TRPS1: variants seen among roughly 807,000 people sequenced by gnomAD.
TRPS1 encodes the protein zinc finger transcription factor Trps1.
Under a neutral mutation model 101.2 loss-of-function variants are expected in TRPS1, and 6 were observed. The ratio of observed to expected loss-of-function variants is 0.06; its 90% CI spans 0.03 to 0.12. The LOEUF (loss-of-function observed/expected upper bound fraction) is 0.12. Among genes scored for constraint, TRPS1 ranks in the 10% least tolerant of loss-of-function variants. The pLI is 1.00. For synonymous variants in TRPS1, 578 were observed against 589.8 expected (o/e 0.98, Z 0.29); for missense variants, 1,363 against 1,567.0 (o/e 0.87, Z 2.20).
At chr8:115,434,242 A>C (rs771366915) in intron 5 of TRPS1, among the ~76,000 whole-genome samples, 1 of 152,216 alleles carries the variant, frequency 6.6e-6, no homozygotes, top group Non-Finnish European at 1.5e-5. Context: ...CTGAGATATA[A>C]TAACAATTAT....
chr8:115,667,863 G>A (rs1016512579), intron 1 of TRPS1: 136 of 1,535,268 alleles, frequency 8.9e-5, no homozygotes, highest in Non-Finnish European at 1.2e-4. Context: ...TCCCGAGTTC[G>A]CCCAACTTAC....
intron 4 of TRPS1, among the ~76,000 whole-genome samples, chr8:115,592,355 T>C (rs188293506): frequency 1.4e-3 from 220 of 152,244 alleles, no homozygotes; most frequent in Non-Finnish European, 2.7e-3. Context: ...TCACAAGACA[T>C]CTCCTAACTC....
In TRPS1 at chr8:115,501,569, C is replaced by A. The variant is rs116975366; in HGVS notation, c.2701-83117G>T. Among the ~76,000 whole-genome samples the A allele has an allele frequency of 2.8e-3, 429 of 152,232 alleles. 1 individual carries two copies. Among genetic ancestry groups the A allele is most frequent in the Non-Finnish European group, 4.5e-3 (306 of 68,014 alleles). ...CAGCTGACAGTATTAAAGCCTGGAT[C>A]CCAAATATGTGAAGTTCAAAGTGCT... On this transcript the variant is annotated intron_variant, in intron 5 of 6. Coordinates refer to ENST00000395715, the MANE Select transcript of TRPS1 (RefSeq NM_014112.5).
chr8:115,478,038 G>T (rs1814648905), intron 5 of TRPS1, among the ~76,000 whole-genome samples: 1 of 151,938 alleles, frequency 6.6e-6, no homozygotes, highest in African/African-American at 2.4e-5. Flanking sequence ...GAACATCCAA[G>T]TGTTTGATAT....
intron 5 of TRPS1, among the ~76,000 whole-genome samples, chr8:115,517,496 G>C (rs1170420970): frequency 6.6e-6 from 1 of 151,560 alleles, no homozygotes; most frequent in Non-Finnish European, 1.5e-5. Context: ...CGATGCCAAA[G>C]GATGTCATAG....
chr8:115,575,663 C>T (rs1281883437), intron 5 of TRPS1, among the ~76,000 whole-genome samples: 1 of 151,968 alleles, frequency 6.6e-6, no homozygotes, highest in Non-Finnish European at 1.5e-5. Flanking sequence ...CTCCTGAAAC[C>T]CACAGGAGCT....
At chr8:115,652,249 C>T (rs1291623897) in intron 1 of TRPS1, among the ~76,000 whole-genome samples, 2 of 152,142 alleles carry the variant, frequency 1.3e-5, no homozygotes, top group African/African-American at 4.8e-5. Flanking sequence ...CATGAGGCTA[C>T]TGGCGACTTC....
intron 5 of TRPS1, among the ~76,000 whole-genome samples, chr8:115,576,717 G>T (rs1563616257): frequency 6.6e-6 from 1 of 152,102 alleles, no homozygotes; most frequent in East Asian, 1.9e-4. Flanking sequence ...AGTTAAATGT[G>T]GAGCATACCT....
chr8:115,550,907 T>G (rs903471458), intron 5 of TRPS1, among the ~76,000 whole-genome samples: 1 of 152,204 alleles, frequency 6.6e-6, no homozygotes. Flanking sequence ...AATTTCATGC[T>G]AACATGGAAT....
chr8:115,426,002 T>C (rs1813177449), intron 5 of TRPS1, among the ~76,000 whole-genome samples: 1 of 152,242 alleles, frequency 6.6e-6, no homozygotes, highest in Admixed American at 6.5e-5. Flanking sequence ...AAAATTTATG[T>C]CTGCACTGTC....
chr8:115,509,544 C>T (rs971917536), intron 5 of TRPS1: 3 of 152,000 alleles, frequency 2.0e-5, no homozygotes, highest in African/African-American at 7.2e-5. Flanking sequence ...ATTTTCTAAT[C>T]ATCTGCAATG....
chr8:115,477,580 G>A (rs566004776), intron 5 of TRPS1, among the ~76,000 whole-genome samples: 3 of 152,166 alleles, frequency 2.0e-5, no homozygotes, highest in Non-Finnish European at 2.9e-5. Context: ...ACACAGTTCA[G>A]TATGGTCAAT....
chr8:115,634,259 A>G (rs917525568), intron 1 of TRPS1, among the ~76,000 whole-genome samples: 4 of 152,196 alleles, frequency 2.6e-5, no homozygotes, highest in Admixed American at 2.6e-4. Context: ...CAAGCTTGAG[A>G]ACTTTGGGTT....
intron 1 of TRPS1, chr8:115,667,827 G>A: frequency 6.5e-7 from 1 of 1,534,762 alleles, no homozygotes; most frequent in South Asian, 1.2e-5. Context: ...CCATACGGAG[G>A]CCCGTCTCTG....
intron 5 of TRPS1, among the ~76,000 whole-genome samples, chr8:115,479,498 T>C (rs1372785990): frequency 2.6e-5 from 4 of 152,132 alleles, no homozygotes; most frequent in Non-Finnish European, 1.5e-5. Flanking sequence ...AGAATGGGGC[T>C]GATCAGTGGG....
In TRPS1 at chr8:115,471,485, AG is replaced by A. The variant is rs1814468094; in HGVS notation, c.2701-53034del. ...CCCAGGACATGTGAAGATTATGGGA[AG>A]TATAATTCAAAATGAGATTTGGGCA... On this transcript the variant is annotated intron_variant, in intron 5 of 6. Coordinates refer to ENST00000395715, the MANE Select transcript of TRPS1 (RefSeq NM_014112.5). Among the ~76,000 whole-genome samples, 4 of 152,304 alleles carry A rather than the reference AG, an allele frequency of 2.6e-5. 1 individual carries two copies. The South Asian group carries it at 8.3e-4, about 32-fold the overall frequency.
At chr8:115,434,647 T>C (rs1813405377) in intron 5 of TRPS1, among the ~76,000 whole-genome samples, 4 of 152,216 alleles carry the variant, frequency 2.6e-5, no homozygotes, top group Admixed American at 2.6e-4. Context: ...TGATTCGCCC[T>C]TGGAATTACA....
intron 5 of TRPS1, among the ~76,000 whole-genome samples, chr8:115,512,526 T>C: frequency 6.6e-6 from 1 of 150,576 alleles, no homozygotes; most frequent in East Asian, 1.9e-4. Flanking sequence ...TGCTTCATGG[T>C]TTTTTTTTGA....
chr8:115,617,900 G>A (rs1399341214), intron 3 of TRPS1, among the ~76,000 whole-genome samples: 1 of 152,052 alleles, frequency 6.6e-6, no homozygotes, highest in Non-Finnish European at 1.5e-5. Context: ...AGATGAAACT[G>A]GTGTTTTAAG....
Sources: allele counts gnomAD v4.1 joint callset (sites outside exome capture counted in the v4.1 genomes callset), GRCh38; gene constraint gnomAD v4.1.1; transcripts MANE v1.5; gene names NCBI Gene and HGNC (gene_info 2026-07-23, HGNC 2026-07-21).